OSBPL5: variants seen among roughly 807,000 people sequenced by gnomAD.
OSBPL5 encodes oxysterol binding protein like 5.
Under a neutral mutation model 111.2 loss-of-function variants are expected in OSBPL5, and 71 were observed. That is an observed-to-expected ratio of 0.64 (90% CI 0.53 to 0.78). OSBPL5 has a LOEUF of 0.78. Ranked by LOEUF, OSBPL5 falls within the 30% of genes least tolerant of loss-of-function variation. OSBPL5 has a pLI of 0.00. For missense variants in OSBPL5, 1,210 were observed against 1,189.3 expected (o/e 1.02, Z -0.26); for synonymous variants, 549 against 513.9 (o/e 1.07, Z -0.93).
At chr11:3,137,031 G>A (rs965736024) in intron 1 of OSBPL5, among the ~76,000 whole-genome samples, 1 of 152,228 alleles carries the variant, frequency 6.6e-6, no homozygotes, top group African/African-American at 2.4e-5. Flanking sequence ...GGGTCCCAAG[G>A]AAGGACAGCA....
rs553566314 is a variant in OSBPL5 at position 3,092,715 on chromosome 11, G to C, written c.2132+152C>G. 13 of 1,319,150 alleles carry C rather than the reference G, an allele frequency of 9.9e-6. No homozygotes were observed. Among genetic ancestry groups the C allele is most frequent in the Admixed American group, 8.3e-5 (3 of 36,268 alleles). 81.7% of individuals were successfully genotyped at this position (1,319,150 alleles called of 1,614,324 possible). A position where few individuals can be genotyped will look rare whatever the true frequency, so the allele number is the denominator to read the frequency against. On this transcript the variant is annotated intron_variant, in intron 18 of 21. Coordinates refer to ENST00000263650, the MANE Select transcript of OSBPL5 (RefSeq NM_020896.4). This position sits in a 1 kb window ranked among gnomAD's most constrained non-coding sequence, Gnocchi z 5.4. ...GGCAGGGCCTGCAGTAAGGACTGAT[G>C]ATGGGGGGTGTCACTATCTGACCCT...
At chr11:3,164,995 G>A (rs1283472928) in intron 1 of OSBPL5, among the ~76,000 whole-genome samples, 9 of 142,866 alleles carry the variant, frequency 6.3e-5, no homozygotes, top group African/African-American at 2.4e-4. Context: ...CCAGGCTCCC[G>A]CGCTCCCCAG....
chr11:3,089,747 G>A, intron 21 of OSBPL5, 99 bp downstream of exon 21: 1 of 1,143,194 alleles, frequency 8.7e-7, no homozygotes, highest in Non-Finnish European at 1.3e-6. Context: ...GACAACCCCA[G>A]CCGCGGCCTC....
Position 3,121,779 on chromosome 11 carries a change from G to T in OSBPL5, c.402+218C>A. Reference sequence around the variant, plus strand: ...TGAAGATGGGGCTACACTGGAGTAAGGTGGCCCTAATTCCTACCACTGGTG... The same window carrying T: ...TGAAGATGGGGCTACACTGGAGTAATGTGGCCCTAATTCCTACCACTGGTG... On this transcript the variant is annotated intron_variant, in intron 5 of 21. Transcript: ENST00000263650. The surrounding 1 kb of genome is among the most constrained non-coding windows in gnomAD (Gnocchi z 4.3). 1.7e-6 allele frequency: 1 copy of T among 582,932 alleles called. No individual in the cohort carries two copies. The highest frequency in any genetic ancestry group is 3.1e-6 in the Non-Finnish European group (1 of 326,612). The allele number at this position is 582,932 out of a possible 1,614,324, so 36.1% of individuals were successfully genotyped here. A position where few individuals can be genotyped will look rare whatever the true frequency, so the allele number is the denominator to read the frequency against.
At chr11:3,128,500 T>C (rs1400774782) in intron 2 of OSBPL5, among the ~76,000 whole-genome samples, 1 of 152,040 alleles carries the variant, frequency 6.6e-6, no homozygotes, top group Non-Finnish European at 1.5e-5. Context: ...AGGTTCTGAG[T>C]CTGTGTGCTG....
chr11:3,102,225 G>C lies in OSBPL5; in HGVS notation c.1383C>G (p.Phe461Leu). 1.2e-6 allele frequency: 2 copies of C among 1,609,454 alleles called. No individual in the cohort carries two copies. The highest frequency in any genetic ancestry group is 1.1e-5 in the South Asian group (1 of 89,864). Residue 461 changes from phenylalanine to leucine, a missense_variant, in exon 12 of 22, where the codon TTC becomes TTG. Phe to Leu is a conservative substitution (Grantham distance 22). Transcript: ENST00000263650. ...ATGTGCGGCTGTCAGTCTGCGGGTG[G>C]AACCAGCAGCAGCGGAAGGTCTCCC... is the stretch of plus-strand genomic sequence containing the variant. ...ILGETFRCCW[F>L]HPQTDSRTFY...
intron 13 of OSBPL5, among the ~76,000 whole-genome samples, chr11:3,100,852 G>A (rs1041184239): frequency 3.9e-5 from 6 of 152,174 alleles, no homozygotes; most frequent in African/African-American, 1.4e-4. Context: ...CCCCAGAGCA[G>A]TGCAGTCCAA....
chr11:3,144,403 T>C (rs1846264707), intron 1 of OSBPL5, among the ~76,000 whole-genome samples: 2 of 152,150 alleles, frequency 1.3e-5, no homozygotes, highest in South Asian at 4.1e-4. Context: ...ACCGATGCTG[T>C]TTCTTTAAAA....
rs1197535441 is a variant in OSBPL5, at chr11:3,107,475, A to T, written c.867-20T>A. 1.2e-6 allele frequency: 2 copies of T among 1,613,132 alleles called. No individual in the cohort carries two copies. The highest frequency in any genetic ancestry group is 2.2e-5 in the South Asian group (2 of 91,030). ...TTCAGTCTGGAAGGTGGATGGTGCC[A>T]GTGGGTCCCTGTCACAGGTGAGAGC... On this transcript the variant is annotated intron_variant, in intron 8 of 21. Coordinates refer to ENST00000263650, the MANE Select transcript of OSBPL5 (RefSeq NM_020896.4). This position sits in a 1 kb window ranked among gnomAD's most constrained non-coding sequence, Gnocchi z 6.1.
At position 3,126,760 on chromosome 11, in the gene OSBPL5, G is replaced by A; in HGVS notation, c.137-205C>T. On this transcript the variant is annotated intron_variant, in intron 2 of 21. Transcript: ENST00000263650. The surrounding 1 kb of genome is among the most constrained non-coding windows in gnomAD (Gnocchi z 6.5). ...GCGTCACTGTGGGAGGAGTGTGCCA[G>A]GAGAACTGGCAGGGCCTCCAGGACC... The A allele has an allele frequency of 4.2e-6, 2 of 471,054 alleles. No homozygotes were observed. 29.2% of individuals were successfully genotyped at this position (471,054 alleles called of 1,614,324 possible). A position where few individuals can be genotyped will look rare whatever the true frequency, so the allele number is the denominator to read the frequency against.
intron 7 of OSBPL5, among the ~76,000 whole-genome samples, chr11:3,108,845 C>T (rs755373329): frequency 1.1e-4 from 17 of 152,246 alleles, no homozygotes; most frequent in East Asian, 5.8e-4. Flanking sequence ...CTCAGCTCAC[C>T]GCAACCTCTG....
Position 3,107,166 on chromosome 11 carries a change from C to T in OSBPL5, c.1059+97G>A, listed in dbSNP as rs564017039. 1.2e-4 allele frequency: 170 copies of T among 1,389,680 alleles called. 3 individuals carry two copies. The highest frequency in any genetic ancestry group is 6.3e-4 in the South Asian group (46 of 73,404). The allele number at this position is 1,389,680 out of a possible 1,614,324, so 86.1% of individuals were successfully genotyped here. ...GACAAAAGCTACCCCCTGGGCCCTG[C>T]GTGCTCCCCCTAGGATGAGGCATGG... On this transcript the variant is annotated intron_variant, in intron 9 of 21. Coordinates refer to ENST00000263650, the MANE Select transcript of OSBPL5 (RefSeq NM_020896.4). The surrounding 1 kb of genome is among the most constrained non-coding windows in gnomAD (Gnocchi z 6.1).
chr11:3,099,777 T>A (rs1436437717), intron 14 of OSBPL5, among the ~76,000 whole-genome samples: 2 of 152,040 alleles, frequency 1.3e-5, no homozygotes, highest in Non-Finnish European at 2.9e-5. Context: ...CCTTCAAAAG[T>A]CATGGGCGAG....
Position 3,122,781 on chromosome 11 carries a change from G to A in OSBPL5, c.220-353C>T, listed in dbSNP as rs146039778. Among the ~76,000 whole-genome samples, 162 of 152,320 alleles carry A rather than the reference G, an allele frequency of 1.1e-3. 1 individual carries two copies. Among genetic ancestry groups the A allele is most frequent in the African/African-American group, 3.8e-3 (159 of 41,568 alleles). ...CTACGGGTCTGACTGAGCCCTGAGG[G>A]ACAGCCGTCTTTGAGGGGACACCTG... On this transcript the variant is annotated intron_variant, in intron 3 of 21. Coordinates refer to ENST00000263650, the MANE Select transcript of OSBPL5 (RefSeq NM_020896.4).
At chr11:3,102,359 G>C in intron 11 of OSBPL5, 78 bp from the exon 12 acceptor site, 1 of 1,395,156 alleles carries the variant, frequency 7.2e-7, no homozygotes, top group Non-Finnish European at 9.9e-7. Flanking sequence ...GGATGTGGAC[G>C]GAGGGGCAGC....
chr11:3,139,036 G>A (rs1846032031), intron 1 of OSBPL5, among the ~76,000 whole-genome samples: 1 of 152,238 alleles, frequency 6.6e-6, no homozygotes, highest in Non-Finnish European at 1.5e-5. Context: ...CAGGGACCGG[G>A]TGATGGGTCT....
Position 3,130,843 on chromosome 11 carries a change from A to G in OSBPL5, c.-21-1674T>C, listed in dbSNP as rs565273448. 6.4e-4 allele frequency among the ~76,000 whole-genome samples: 97 copies of G among 152,076 alleles called. No individual in the cohort carries two copies. Among genetic ancestry groups the G allele is most frequent in the Non-Finnish European group, 4.3e-4 (29 of 67,952 alleles). On this transcript the variant is annotated intron_variant, in intron 1 of 21. Coordinates refer to ENST00000263650, the MANE Select transcript of OSBPL5 (RefSeq NM_020896.4). The surrounding 1 kb of genome is among the most constrained non-coding windows in gnomAD (Gnocchi z 4.5). ...CCCCTACTTGTCAATCACAACAAAC[A>G]CGTCCTACTTGCCCAGGTGCAGCTC...
At position 3,113,547 on chromosome 11, in the gene OSBPL5, C is replaced by G. The variant is rs770605170; in HGVS notation, c.692-5602G>C. 6.6e-6 allele frequency among the ~76,000 whole-genome samples: 1 copy of G among 151,846 alleles called. No homozygotes were observed. Among genetic ancestry groups the G allele is most frequent in the Non-Finnish European group, 1.5e-5 (1 of 67,964 alleles). On this transcript the variant is annotated intron_variant, in intron 7 of 21. Coordinates refer to ENST00000263650, the MANE Select transcript of OSBPL5 (RefSeq NM_020896.4). The surrounding 1 kb of genome is among the most constrained non-coding windows in gnomAD (Gnocchi z 4.8). The stretch of plus-strand genomic sequence containing the variant: ...GCAGGCACCTGTAATCCCAGCTACT[C>G]GTGAGGCTGAGGCAGGAGAATTGCT...
At chr11:3,164,942 C>A (rs1434608997) in intron 1 of OSBPL5, among the ~76,000 whole-genome samples, 2 of 151,626 alleles carry the variant, frequency 1.3e-5, no homozygotes, top group Non-Finnish European at 2.9e-5. Flanking sequence ...GCCCCACCCG[C>A]CCCAACCCGC....
Sources: gnomAD v4.1 joint callset for allele counts (sites outside exome capture counted in the v4.1 genomes callset) on GRCh38, gnomAD v4.1.1 for gene constraint, Gnocchi (gnomAD v3.1) non-coding constraint, MANE v1.5 for transcripts, NCBI Gene and HGNC (gene_info 2026-07-23, HGNC 2026-07-21) for gene names.